The following CASQ1 variants were observed in gnomAD, a reference collection of about 807,000 sequenced individuals.
The protein encoded by CASQ1 is calsequestrin-1.
Under a neutral mutation model 49.5 loss-of-function variants are expected in CASQ1, and 40 were observed. That is an observed-to-expected ratio of 0.81 (90% confidence interval 0.63 to 1.05). The LOEUF is 1.05. Ranked by LOEUF, CASQ1 falls within the 50% of genes least tolerant of loss-of-function variation. The probability of loss-of-function intolerance (pLI) is 0.00; values close to 1 mark genes in which losing one functional copy is unlikely to be tolerated. For synonymous variants in CASQ1, 174 were observed against 187.2 expected (o/e 0.93, Z 0.58); for missense variants, 469 against 486.9 (o/e 0.96, Z 0.35).
intron 7 of CASQ1, chr1:160,198,464 A>G: frequency 2.2e-6 from 1 of 460,062 alleles, no homozygotes; most frequent in Non-Finnish European, 3.9e-6. Context: ...AGATCGCGCC[A>G]TTGCACTCTA....
chr1:160,195,343 T>A, intron 4 of CASQ1, 118 bp from the exon 5 acceptor site: 1 of 954,174 alleles, frequency 1.0e-6, no homozygotes, highest in Non-Finnish European at 1.7e-6. Context: ...CTCGAAGAAC[T>A]AGAAGGGGTG....
intron 3 of CASQ1, among the ~76,000 whole-genome samples, chr1:160,194,388 C>T (rs1654158813): frequency 1.3e-5 from 2 of 148,222 alleles, no homozygotes; most frequent in Admixed American, 1.3e-4. Context: ...ATAGGCCACA[C>T]ATCACCTAGA....
chr1:160,201,247 G>A lies in CASQ1; in HGVS notation c.1062G>A (p.Ala354=), dbSNP rs766861234. The change falls in exon 11 of 11, where the codon GCG becomes GCA. Residue 354 remains alanine, a splice_region_variant and synonymous_variant. Transcript: ENST00000368078. ...PQIGVVNVTD[A]DSVWMEMDDE... ...TCCCTGCCTGTGCCATCTCCTAGGC[G>A]GATAGCGTATGGATGGAAATGGACG... 1.6e-5 allele frequency: 26 copies of A among 1,612,592 alleles called. No individual in the cohort carries two copies. In the Admixed American group the frequency reaches 2.8e-4, roughly 18 times the overall value.
At chr1:160,193,583 C>T (rs1167036019) in intron 2 of CASQ1, among the ~76,000 whole-genome samples, 164 bp from the exon 3 acceptor site, 1 of 152,126 alleles carries the variant, frequency 6.6e-6, no homozygotes, top group African/African-American at 2.4e-5. Flanking sequence ...GCCTGTCGGC[C>T]TCTGGGTCAG....
chr1:160,192,947 G>A lies in CASQ1; in HGVS notation c.364+61G>A, dbSNP rs55851957. 1.8e-3 allele frequency: 2,525 copies of A among 1,368,874 alleles called. 3 individuals are homozygous for A. The highest frequency in any genetic ancestry group is 3.5e-3 in the Admixed American group (210 of 59,314). 84.8% of individuals were successfully genotyped at this position (1,368,874 alleles called of 1,614,324 possible). A position where few individuals can be genotyped will look rare whatever the true frequency, so the allele number is the denominator to read the frequency against. On this transcript the variant is annotated intron_variant, in intron 2 of 10. Transcript: ENST00000368078. ...ATTGAGACAAGGGGAGGCTTAGGGC[G>A]GAGGACCTGTCAGGCAGTCCTTGGG... is the stretch of plus-strand genomic sequence containing the variant.
Position 160,190,785 on chromosome 1 carries a change from G to A in CASQ1, c.34G>A (p.Val12Met). The A allele has an allele frequency of 6.2e-7, 1 of 1,614,148 alleles. No individual in the cohort carries two copies. Among genetic ancestry groups the A allele is most frequent in the Non-Finnish European group, 8.5e-7 (1 of 1,179,994 alleles). Residue 12 changes from valine to methionine, a missense_variant, in exon 1 of 11, where the codon GTG (valine) becomes ATG (methionine). Physicochemically the swap from Val to Met is conservative, Grantham distance 21 (BLOSUM62 1). Transcript: ENST00000368078. ...TACAGACAGGATGGGGCCCAGAGCT[G>A]TGCCGGGTCTGCGGCTGGCACTGCT... ...SATDRMGPRA[V>M]PGLRLALLLL...
rs1654058535 is a variant in CASQ1 at position 160,190,895 on chromosome 1, T to C, written c.144T>C (p.Arg48=). 1 of 1,614,126 alleles carries C rather than the reference T, an allele frequency of 6.2e-7. No homozygotes were observed. The highest frequency in any genetic ancestry group is 8.5e-7 in the Non-Finnish European group (1 of 1,180,014). Residue 48 remains arginine (R), a synonymous_variant, in exon 1 of 11, where the codon CGT becomes CGC. Transcript: ENST00000368078. ...TCCCTGAGTACGATGGTGTGGACCG[T>C]GTGATCAATGTCAATGCAAAGAACT... ...LDFPEYDGVD[R]VINVNAKNYK...
chr1:160,191,099 C>T, intron 1 of CASQ1, 69 bp downstream of exon 1: 1 of 1,522,258 alleles, frequency 6.6e-7, no homozygotes, highest in Non-Finnish European at 9.0e-7. Flanking sequence ...ATCCTACACC[C>T]ATGTAGCTCT....
In CASQ1 at chr1:160,190,904, T is replaced by C. The variant is rs764759200; in HGVS notation, c.153T>C (p.Asn51=). The change falls in exon 1 of 11, where the codon AAT becomes AAC. Residue 51 remains asparagine, a synonymous_variant. Coordinates refer to ENST00000368078, the MANE Select transcript of CASQ1 (RefSeq NM_001231.5). ...PEYDGVDRVI[N]VNAKNYKNVF... ...ACGATGGTGTGGACCGTGTGATCAA[T>C]GTCAATGCAAAGAACTACAAGAATG... 4 of 1,614,134 alleles carry C rather than the reference T, an allele frequency of 2.5e-6. No individual in the cohort carries two copies. The South Asian group carries it at 4.4e-5, about 18-fold the overall frequency.
intron 2 of CASQ1, 117 bp downstream of exon 2, chr1:160,193,003 A>G: frequency 3.8e-6 from 3 of 792,490 alleles, no homozygotes; most frequent in Non-Finnish European, 6.5e-6. Flanking sequence ...TCTCAGATTT[A>G]TGTCTATTCT....
intron 2 of CASQ1, among the ~76,000 whole-genome samples, chr1:160,193,332 G>A (rs1654123647): frequency 6.6e-6 from 1 of 152,116 alleles, no homozygotes; most frequent in South Asian, 2.1e-4. Context: ...CAGTAATAAT[G>A]AAGTCATCTG....
chr1:160,195,750 G>C (rs759818132), intron 5 of CASQ1, 147 bp from the exon 6 acceptor site: 4 of 956,832 alleles, frequency 4.2e-6, no homozygotes, highest in Non-Finnish European at 6.3e-6. Context: ...CCCCAGGCAA[G>C]TTAAGACACT....
At chr1:160,199,083 T>G in intron 9 of CASQ1, 30 bp downstream of exon 9, 5 of 1,302,096 alleles carry the variant, frequency 3.8e-6, no homozygotes, top group Non-Finnish European at 5.6e-6. Context: ...CACTGCTATC[T>G]TAAGGTGGGG....
intron 4 of CASQ1, 53 bp from the exon 5 acceptor site, chr1:160,195,408 T>G: frequency 1.3e-6 from 2 of 1,531,666 alleles, no homozygotes; most frequent in Non-Finnish European, 1.8e-6. Context: ...GGGGGATGAT[T>G]CCCGGGCAGA....
At chr1:160,191,122 T>G (rs1654066443) in intron 1 of CASQ1, 92 bp downstream of exon 1, 17 of 1,398,496 alleles carry the variant, frequency 1.2e-5, no homozygotes, top group Non-Finnish European at 1.6e-5. Flanking sequence ...GAGGATGGGA[T>G]CTGGGGGTGA....
rs943186500 is a variant in CASQ1 at position 160,201,556 on chromosome 1, T to C, written c.*180T>C. 2 of 637,742 alleles carry C rather than the reference T, an allele frequency of 3.1e-6. No individual in the cohort carries two copies. Among genetic ancestry groups the C allele is most frequent in the Non-Finnish European group, 2.7e-6 (1 of 364,194 alleles). 39.5% of individuals were successfully genotyped at this position (637,742 alleles called of 1,614,324 possible). A position where few individuals can be genotyped will look rare whatever the true frequency, so the allele number is the denominator to read the frequency against. ...TCATTTGATGAGCAAATGAGCTACT[T>C]TTCCCTAGACACCAGGCCAGCTCTC... On this transcript the variant is annotated 3_prime_UTR_variant, in exon 11 of 11. Coordinates refer to ENST00000368078, the MANE Select transcript of CASQ1 (RefSeq NM_001231.5).
At chr1:160,193,934 CA>C in intron 3 of CASQ1, 87 bp downstream of exon 3, 1 of 751,934 alleles carries the variant, frequency 1.3e-6, no homozygotes, top group South Asian at 1.4e-5. Flanking sequence ...TGACACTGCA[CA>C]CACACACCAC....
intron 3 of CASQ1, 44 bp from the exon 4 acceptor site, chr1:160,194,968 C>A: frequency 7.9e-7 from 1 of 1,259,664 alleles, no homozygotes. Context: ...TCTGGTTCTA[C>A]TTGAGGATAG....
rs2101675309 is a variant in CASQ1, at chr1:160,195,999, A to G, written c.754A>G (p.Ile252Val). 6.2e-7 allele frequency: 1 copy of G among 1,613,890 alleles called. No individual in the cohort carries two copies. The highest frequency in any genetic ancestry group is 1.7e-5 in the Admixed American group (1 of 59,994). Residue 252 changes from isoleucine (I) to valine (V), a missense_variant, in exon 6 of 11, where the codon ATT becomes GTT. Ile to Val is a conservative substitution (Grantham distance 29). Transcript: ENST00000368078. ...AGACAAGCCCAATAGCGAAGAGGAG[A>G]TTGTCAACTTCGTGGAGGAGCACAG... Reference protein sequence around the residue: ...IPDKPNSEEEIVNFVEEHRRS... With the variant: ...IPDKPNSEEEVVNFVEEHRRS...
Sources: gnomAD v4.1 joint callset for allele counts (sites outside exome capture counted in the v4.1 genomes callset) on GRCh38, gnomAD v4.1.1 for gene constraint, MANE v1.5 for transcripts, NCBI Gene and HGNC (gene_info 2026-07-23, HGNC 2026-07-21) for gene names.